The following CCDC57 variants were observed in gnomAD, a reference collection of about 807,000 sequenced individuals.
CCDC57 encodes the protein coiled-coil domain containing 57, also known as coiled-coil domain-containing protein 57.
In CCDC57, 118 loss-of-function variants were observed where a neutral mutation model predicts 118.9. That is an observed-to-expected ratio of 0.99 (90% CI 0.86 to 1.16). The LOEUF (loss-of-function observed/expected upper bound fraction) is 1.16. Among genes scored for constraint, CCDC57 ranks in the 50% most tolerant of loss-of-function variants. The probability of loss-of-function intolerance (pLI) is 0.00; values close to 1 mark genes in which losing one functional copy is unlikely to be tolerated. For synonymous variants in CCDC57, 527 were observed against 532.9 expected, an observed-to-expected ratio of 0.99 and a Z score of 0.15; for missense variants, 1,300 against 1,320.7, an observed-to-expected ratio of 0.98 and a Z score of 0.24.
intron 19 of CCDC57, among the ~76,000 whole-genome samples, chr17:82,115,195 G>A (rs573607704): frequency 1.3e-5 from 2 of 151,978 alleles, no homozygotes; most frequent in Admixed American, 1.3e-4. Flanking sequence ...CAACCACTGG[G>A]GCCGAGCAGG....
At chr17:82,183,821 CTCT>C (rs772160093) in exon 9 of CCDC57, 2 of 1,601,292 alleles carry the variant, frequency 1.2e-6, no homozygotes, top group Admixed American at 1.7e-5. Flanking sequence ...TGAGCTTCAC[CTCT>C]TCTTCCTGCA....
intron 3 of CCDC57, among the ~76,000 whole-genome samples, chr17:82,201,255 T>C (rs1361149362): frequency 6.6e-6 from 1 of 152,230 alleles, no homozygotes; most frequent in African/African-American, 2.4e-5. Flanking sequence ...ATGAAATAAA[T>C]TCCAAATATT....
intron 17 of CCDC57, among the ~76,000 whole-genome samples, chr17:82,133,575 T>C (rs868052513): frequency 7.4e-6 from 1 of 135,362 alleles, no homozygotes; most frequent in East Asian, 2.1e-4. Context: ...TAAAAAAAAA[T>C]GGGGGCTGGG....
intron 12 of CCDC57, 86 bp from the exon 12 acceptor site, chr17:82,171,939 T>G (rs1007843537): frequency 7.2e-7 from 1 of 1,385,140 alleles, no homozygotes; most frequent in African/African-American, 1.4e-5. Context: ...AGGGAGCCGA[T>G]GCCAGCTCAT....
intron 5 of CCDC57, chr17:82,194,363 T>C (rs1403037400): frequency 2.2e-6 from 1 of 449,886 alleles, no homozygotes; most frequent in Non-Finnish European, 3.9e-6. Flanking sequence ...CAGGCTGGAG[T>C]GCAATGGCGT....
chr17:82,129,872 C>T (rs959509766), intron 17 of CCDC57, among the ~76,000 whole-genome samples: 5 of 151,966 alleles, frequency 3.3e-5, no homozygotes, highest in African/African-American at 1.2e-4. Flanking sequence ...GCCTGGGCAA[C>T]AGAGCGAAAC....
chr17:82,128,671 C>G (rs573092432), intron 17 of CCDC57, 74 bp from the exon 17 acceptor site: 8 of 1,219,652 alleles, frequency 6.6e-6, no homozygotes, highest in Non-Finnish European at 9.3e-6. Flanking sequence ...AGTTTTCCCA[C>G]AAGATTGGGA....
intron 18 of CCDC57, among the ~76,000 whole-genome samples, chr17:82,128,255 C>T (rs2037767563): frequency 6.6e-6 from 1 of 152,280 alleles, no homozygotes; most frequent in African/African-American, 2.4e-5. Context: ...GAAAGGCCAG[C>T]GTGGGCCCCA....
intron 7 of CCDC57, among the ~76,000 whole-genome samples, chr17:82,189,146 T>C (rs550409015): frequency 6.6e-6 from 1 of 152,108 alleles, no homozygotes; most frequent in East Asian, 1.9e-4. Flanking sequence ...CGGGTGCCCA[T>C]AGTCCCATTT....
At chr17:82,107,349 G>C (rs79978060) in intron 19 of CCDC57, 3 of 446,804 alleles carry the variant, frequency 6.7e-6, no homozygotes, top group East Asian at 7.1e-5. Flanking sequence ...CTTGGCACCC[G>C]GGTGGGGCAC....
chr17:82,158,438 A>G (rs1432482297), intron 14 of CCDC57, among the ~76,000 whole-genome samples: 1 of 152,152 alleles, frequency 6.6e-6, no homozygotes, highest in African/African-American at 2.4e-5. Context: ...CTATAATCCC[A>G]GTGCCTTGGG....
intron 16 of CCDC57, among the ~76,000 whole-genome samples, chr17:82,141,569 GA>G (rs1162583033): frequency 6.6e-6 from 1 of 152,206 alleles, no homozygotes; most frequent in Non-Finnish European, 1.5e-5. Flanking sequence ...TAAGAATGCA[GA>G]GATGGTGAAT....
chr17:82,108,831 G>A (rs2037546573), intron 19 of CCDC57: 1 of 152,252 alleles, frequency 6.6e-6, no homozygotes, highest in South Asian at 2.1e-4. Flanking sequence ...AGGAAAGGAA[G>A]GAGCCTCGCT....
At chr17:82,211,404 A>T (rs1435397252) in intron 1 of CCDC57, among the ~76,000 whole-genome samples, 8 of 152,336 alleles carry the variant, frequency 5.3e-5, no homozygotes, top group African/African-American at 1.9e-4. Flanking sequence ...AGACCAGATC[A>T]TGGGATGATA....
chr17:82,188,311 C>T, exon 8 of CCDC57: 1 of 1,602,800 alleles, frequency 6.2e-7, no homozygotes, highest in Non-Finnish European at 8.5e-7. Context: ...AGTGGGCCTG[C>T]AGCTCCAGAA....
chr17:82,145,935 C>A, intron 16 of CCDC57: 1 of 340,440 alleles, frequency 2.9e-6, no homozygotes, highest in Non-Finnish European at 6.1e-6. Context: ...GGCACCTCCC[C>A]CCACAGCCAT....
intron 10 of CCDC57, 49 bp downstream of exon 9, chr17:82,178,978 C>A (rs771845094): frequency 6.3e-7 from 1 of 1,594,210 alleles, no homozygotes; most frequent in Non-Finnish European, 8.5e-7. Context: ...CCCAGCCCCA[C>A]CTCTGCAGAG....
rs1159177047 is a variant in CCDC57 at position 82,186,449 on chromosome 17, A to T, written c.1052+1770T>A. Among the ~76,000 whole-genome samples the T allele has an allele frequency of 3.3e-5, 5 of 152,150 alleles. No individual in the cohort carries two copies. In the East Asian group the frequency reaches 5.8e-4, roughly 18 times the overall value. On this transcript the variant is annotated intron_variant, in intron 8 of 19. Coordinates refer to ENST00000665763, the Ensembl canonical transcript of CCDC57. Reference sequence around the variant, plus strand: ...GCCCCTCTCACCCCGTATACCGACCACAGAGGTCGCCCCGCACACCGACCG... The same window carrying T: ...GCCCCTCTCACCCCGTATACCGACCTCAGAGGTCGCCCCGCACACCGACCG...
chr17:82,162,467 G>A (rs1178212362), intron 14 of CCDC57, among the ~76,000 whole-genome samples: 6 of 152,258 alleles, frequency 3.9e-5, no homozygotes, highest in Non-Finnish European at 1.5e-5. Flanking sequence ...CAAGGGCCCA[G>A]GAGGTTGAAA....
Sources: allele counts gnomAD v4.1 joint callset (sites outside exome capture counted in the v4.1 genomes callset), GRCh38; gene constraint gnomAD v4.1.1; transcripts MANE v1.5; gene names NCBI Gene and HGNC (gene_info 2026-07-23, HGNC 2026-07-21).